SPAG16: variants seen among roughly 807,000 people sequenced by gnomAD.
SPAG16 encodes the protein sperm-associated antigen 16 protein.
Under a neutral mutation model 80.4 loss-of-function variants are expected in SPAG16, and 86 were observed. The ratio of observed to expected loss-of-function variants is 1.07; its 90% confidence interval spans 0.90 to 1.28. SPAG16 has a LOEUF of 1.28. Among genes scored for constraint, SPAG16 ranks in the 50% most tolerant of loss-of-function variants. The probability of loss-of-function intolerance (pLI) is 0.00; values close to 1 mark genes in which losing one functional copy is unlikely to be tolerated. For synonymous variants in SPAG16, 294 were observed against 265.9 expected (o/e 1.11, Z -1.03); for missense variants, 870 against 765.3 (o/e 1.14, Z -1.61).
chr2:213,819,448 G>A (rs920289894), intron 10 of SPAG16, among the ~76,000 whole-genome samples: 1 of 152,110 alleles, frequency 6.6e-6, no homozygotes, highest in African/African-American at 2.4e-5. Flanking sequence ...GAAGGTAGAT[G>A]GGAACTATTT....
intron 10 of SPAG16, among the ~76,000 whole-genome samples, chr2:213,699,775 TAAGA>T (rs2065325399): frequency 6.6e-6 from 1 of 152,232 alleles, no homozygotes; most frequent in Admixed American, 6.5e-5. Flanking sequence ...CCTGATGTGA[TAAGA>T]AAGGCCTGGG....
intron 15 of SPAG16, among the ~76,000 whole-genome samples, chr2:214,178,319 A>G (rs2057196546): frequency 6.6e-6 from 1 of 151,046 alleles, no homozygotes; most frequent in South Asian, 2.1e-4. Context: ...AATGGTTGCT[A>G]TATTATGTAG....
At chr2:213,777,200 T>TTCTG (rs1366051789) in intron 10 of SPAG16, among the ~76,000 whole-genome samples, 1 of 151,600 alleles carries the variant, frequency 6.6e-6, no homozygotes, top group East Asian at 1.9e-4. Context: ...ACCCCAAATC[T>TTCTG]TCTGGTCATT....
At chr2:213,711,273 T>C (rs983396892) in intron 10 of SPAG16, among the ~76,000 whole-genome samples, 1 of 152,080 alleles carries the variant, frequency 6.6e-6, no homozygotes, top group African/African-American at 2.4e-5. Context: ...TTTTTTAATA[T>C]CATGGTGAAT....
chr2:213,323,372 C>T (rs1390097951), intron 5 of SPAG16, among the ~76,000 whole-genome samples: 1 of 151,870 alleles, frequency 6.6e-6, no homozygotes, highest in Non-Finnish European at 1.5e-5. Flanking sequence ...ACCCAGGAGG[C>T]GGAGCTTGCA....
chr2:214,179,170 T>C (rs2057228473), intron 15 of SPAG16, among the ~76,000 whole-genome samples: 1 of 151,492 alleles, frequency 6.6e-6, no homozygotes, highest in Admixed American at 6.6e-5. Flanking sequence ...TATTTGTTTT[T>C]CACCATTTGC....
chr2:213,623,463 T>A (rs2061855562), intron 10 of SPAG16, among the ~76,000 whole-genome samples: 1 of 152,176 alleles, frequency 6.6e-6, no homozygotes, highest in African/African-American at 2.4e-5. Context: ...TAGTCAGGAT[T>A]TTCTTTTTAG....
intron 13 of SPAG16, among the ~76,000 whole-genome samples, chr2:214,101,029 T>G (rs957599231): frequency 2.0e-5 from 3 of 152,174 alleles, no homozygotes; most frequent in African/African-American, 7.2e-5. Context: ...GCATTAGCAC[T>G]TTAATGATTT....
intron 15 of SPAG16, among the ~76,000 whole-genome samples, chr2:214,204,188 G>A (rs1485230918): frequency 6.6e-6 from 1 of 152,202 alleles, no homozygotes; most frequent in Non-Finnish European, 1.5e-5. Flanking sequence ...CCCAAGGAGA[G>A]CCTGAGCTCA....
At chr2:213,930,364 G>A (rs1284041692) in intron 12 of SPAG16, among the ~76,000 whole-genome samples, 1 of 152,112 alleles carries the variant, frequency 6.6e-6, no homozygotes, top group Non-Finnish European at 1.5e-5. Flanking sequence ...CTAAATGTAA[G>A]TATCAAGATC....
intron 10 of SPAG16, among the ~76,000 whole-genome samples, chr2:213,788,973 C>A (rs993165316): frequency 6.6e-6 from 1 of 151,762 alleles, no homozygotes; most frequent in Non-Finnish European, 1.5e-5. Context: ...GCATCATTTG[C>A]TTTATAAAGA....
intron 5 of SPAG16, among the ~76,000 whole-genome samples, chr2:213,335,770 T>G (rs1335789720): frequency 1.3e-5 from 2 of 152,072 alleles, no homozygotes. Context: ...CCATGAGTAT[T>G]GTGAGTCACC....
chr2:213,820,482 C>T (rs1203674928), intron 10 of SPAG16, among the ~76,000 whole-genome samples: 1 of 151,990 alleles, frequency 6.6e-6, no homozygotes, highest in Non-Finnish European at 1.5e-5. Context: ...GCAGACTGCA[C>T]AGGAATAGAT....
intron 13 of SPAG16, among the ~76,000 whole-genome samples, chr2:214,048,257 C>G (rs925441885): frequency 2.0e-5 from 3 of 152,134 alleles, no homozygotes; most frequent in African/African-American, 4.8e-5. Context: ...TTTATTGCAG[C>G]ACTATTCATG....
chr2:213,868,421 T>C (rs2075794672), intron 11 of SPAG16, among the ~76,000 whole-genome samples: 1 of 152,182 alleles, frequency 6.6e-6, no homozygotes, highest in African/African-American at 2.4e-5. Flanking sequence ...TTTTGTCCCA[T>C]TTAGACCAGC....
chr2:214,232,397 A>T (rs570969242), intron 15 of SPAG16, among the ~76,000 whole-genome samples: 1 of 152,064 alleles, frequency 6.6e-6, no homozygotes, highest in Admixed American at 6.6e-5. Context: ...TTCTCTTCTG[A>T]TAACTGCAAC....
intron 10 of SPAG16, among the ~76,000 whole-genome samples, chr2:213,552,092 C>G (rs1439128913): frequency 6.6e-6 from 1 of 152,160 alleles, no homozygotes; most frequent in Admixed American, 6.5e-5. Flanking sequence ...GGAAGGTGTG[C>G]AGAGATATTT....
At chr2:213,578,699 G>A (rs2124834622) in intron 10 of SPAG16, among the ~76,000 whole-genome samples, 1 of 152,152 alleles carries the variant, frequency 6.6e-6, no homozygotes, top group Admixed American at 6.6e-5. Flanking sequence ...TAGAGTCAAG[G>A]TTGCAAGAGT....
At chr2:214,002,036 G>A (rs1446165506) in intron 12 of SPAG16, among the ~76,000 whole-genome samples, 5 of 152,110 alleles carry the variant, frequency 3.3e-5, no homozygotes, top group South Asian at 2.1e-4. Flanking sequence ...AGAGCCGAGC[G>A]AAAGGGGTTT....
Sources: allele counts gnomAD v4.1 joint callset (sites outside exome capture counted in the v4.1 genomes callset), GRCh38; gene constraint gnomAD v4.1.1; transcripts MANE v1.5; gene names NCBI Gene and HGNC (gene_info 2026-07-23, HGNC 2026-07-21).